The following ERC2 variants were observed in gnomAD, a reference collection of about 807,000 sequenced individuals.
ERC2 encodes ERC protein 2.
In ERC2, 42 loss-of-function variants were observed where a neutral mutation model predicts 114.8. That is an observed-to-expected ratio of 0.37 (90% CI 0.29 to 0.47). The LOEUF is 0.47. ERC2 is among the 20% of genes least tolerant of loss of function. The pLI is 0.99. For synonymous variants in ERC2, 454 were observed against 425.5 expected, an observed-to-expected ratio of 1.07 and a Z score of -0.82; for missense variants, 939 against 1,150.7, an observed-to-expected ratio of 0.82 and a Z score of 2.66.
At chr3:56,107,589 A>T (rs1463657594) in intron 6 of ERC2, among the ~76,000 whole-genome samples, 1 of 152,180 alleles carries the variant, frequency 6.6e-6, no homozygotes, top group Non-Finnish European at 1.5e-5. Flanking sequence ...ATGTGCAGGC[A>T]ACCACAAGAG....
chr3:56,368,363 T>C (rs1414012115), intron 2 of ERC2, among the ~76,000 whole-genome samples: 1 of 152,072 alleles, frequency 6.6e-6, no homozygotes, highest in Non-Finnish European at 1.5e-5. Flanking sequence ...TTTAGCCCCA[T>C]TTATTGGAAG....
intron 14 of ERC2, among the ~76,000 whole-genome samples, chr3:55,742,071 A>T (rs1052781192): frequency 7.5e-6 from 1 of 134,168 alleles, no homozygotes; most frequent in African/African-American, 2.5e-5. Context: ...ATAAAACACC[A>T]AAAAAAATGG....
intron 3 of ERC2, among the ~76,000 whole-genome samples, chr3:56,233,767 C>T (rs969065587): frequency 5.9e-5 from 9 of 152,182 alleles, no homozygotes; most frequent in Admixed American, 6.5e-5. Context: ...GCCTTCCCCA[C>T]CTTCTAGAGG....
chr3:55,651,024 T>A (rs2060600521), intron 17 of ERC2, among the ~76,000 whole-genome samples: 1 of 146,828 alleles, frequency 6.8e-6, no homozygotes, highest in South Asian at 2.2e-4. Context: ...ATTTTTTTTT[T>A]TTTTTTTTTT....
chr3:55,575,763 G>C (rs1370733745), intron 17 of ERC2, among the ~76,000 whole-genome samples: 1 of 152,114 alleles, frequency 6.6e-6, no homozygotes, highest in Non-Finnish European at 1.5e-5. Context: ...TTACCCCCTG[G>C]CTGAAACAGT....
intron 7 of ERC2, among the ~76,000 whole-genome samples, chr3:56,076,233 C>T (rs1294913337): frequency 6.6e-6 from 1 of 152,088 alleles, no homozygotes; most frequent in African/African-American, 2.4e-5. Context: ...GTTTATGGGA[C>T]TAAGGCCTAG....
At chr3:56,173,694 G>C (rs1412093328) in intron 3 of ERC2, 174 bp from the exon 4 acceptor site, 3 of 565,156 alleles carry the variant, frequency 5.3e-6, no homozygotes, top group Non-Finnish European at 9.2e-6. Flanking sequence ...TGGAGCCTGC[G>C]TTCCGGTGAA....
At chr3:55,928,890 G>T (rs2149398210) in intron 13 of ERC2, among the ~76,000 whole-genome samples, 1 of 152,202 alleles carries the variant, frequency 6.6e-6, no homozygotes, top group South Asian at 2.1e-4. Flanking sequence ...TATCATTCTT[G>T]GCAACTTTGT....
chr3:55,817,071 G>A (rs980600783), intron 14 of ERC2, among the ~76,000 whole-genome samples: 1 of 152,176 alleles, frequency 6.6e-6, no homozygotes. Context: ...TGTAGGACAG[G>A]AGGGGGTTTC....
intron 17 of ERC2, among the ~76,000 whole-genome samples, chr3:55,513,659 G>A (rs1206671514): frequency 6.6e-6 from 1 of 150,894 alleles, no homozygotes; most frequent in Non-Finnish European, 1.5e-5. Context: ...TTTAAGGCAG[G>A]GTCTTGCTGT....
At chr3:55,518,085 A>G (rs948124077) in intron 17 of ERC2, among the ~76,000 whole-genome samples, 1 of 152,012 alleles carries the variant, frequency 6.6e-6, no homozygotes, top group African/African-American at 2.4e-5. Flanking sequence ...TGCCCACTAG[A>G]TGCCAGCAGC....
rs146087543 is a variant in ERC2 at position 56,064,654 on chromosome 3, G to A, written c.1641+16163C>T. 7.0e-4 allele frequency among the ~76,000 whole-genome samples: 107 copies of A among 152,292 alleles called. No homozygotes were observed. The Middle Eastern group carries it at 0.01, about 15-fold the overall frequency. On this transcript the variant is annotated intron_variant, in intron 7 of 17. Coordinates refer to ENST00000288221, the MANE Select transcript of ERC2 (RefSeq NM_015576.3). ...ATGTCTGAGGCAAACAGTAAATATA[G>A]TCTGGAAAAGAAGTGAACTTTGTTT...
At chr3:56,398,615 G>A (rs956978338) in intron 2 of ERC2, among the ~76,000 whole-genome samples, 1 of 151,696 alleles carries the variant, frequency 6.6e-6, no homozygotes, top group Non-Finnish European at 1.5e-5. Context: ...ATGTGTTTGT[G>A]TATATATATA....
intron 1 of ERC2, among the ~76,000 whole-genome samples, chr3:56,463,266 C>T (rs1418659605): frequency 1.3e-5 from 2 of 152,154 alleles, no homozygotes; most frequent in Non-Finnish European, 2.9e-5. Flanking sequence ...ATGGCTTTAT[C>T]TTCATTGTTG....
Position 56,065,524 on chromosome 3 carries a change from T to TA in ERC2, c.1641+15292dup, listed in dbSNP as rs78858402. Among the ~76,000 whole-genome samples the TA allele has an allele frequency of 4.4e-3, 656 of 147,964 alleles. 4 individuals carry two copies. The highest frequency in any genetic ancestry group is 0.01 in the Middle Eastern group (3 of 290). ...TTCTGACATGGACTACTTTCTTTTT[T>TA]AAAAAAAAAAAAGCATTTTATTTTA... On this transcript the variant is annotated intron_variant, in intron 7 of 17. Transcript: ENST00000288221.
chr3:55,803,955 T>C (rs2059397467), intron 14 of ERC2, among the ~76,000 whole-genome samples: 1 of 152,194 alleles, frequency 6.6e-6, no homozygotes, highest in South Asian at 2.1e-4. Flanking sequence ...AGAGCTCAGA[T>C]TACCCTTGGT....
At chr3:56,004,917 T>C (rs2072359336) in intron 10 of ERC2, among the ~76,000 whole-genome samples, 1 of 152,090 alleles carries the variant, frequency 6.6e-6, no homozygotes, top group Non-Finnish European at 1.5e-5. Flanking sequence ...TGTTTATATG[T>C]ATATTCACAT....
intron 2 of ERC2, among the ~76,000 whole-genome samples, chr3:56,353,034 A>C (rs1414658504): frequency 6.6e-6 from 1 of 152,194 alleles, no homozygotes; most frequent in Non-Finnish European, 1.5e-5. Flanking sequence ...AGCCTGCCTC[A>C]GGGCAGAGGA....
At chr3:56,147,322 T>C (rs1178750419) in intron 5 of ERC2, among the ~76,000 whole-genome samples, 1 of 152,202 alleles carries the variant, frequency 6.6e-6, no homozygotes, top group African/African-American at 2.4e-5. Context: ...AGGCAGTCCC[T>C]GGTTACATTC....
Sources: allele counts gnomAD v4.1 joint callset (sites outside exome capture counted in the v4.1 genomes callset), GRCh38; gene constraint gnomAD v4.1.1; transcripts MANE v1.5; gene names NCBI Gene and HGNC (gene_info 2026-07-23, HGNC 2026-07-21).